The following BACH2 variants were observed in gnomAD, a reference collection of about 807,000 sequenced individuals.
BACH2 encodes BACH transcriptional regulator 2.
BACH2 carries 5 observed loss-of-function variants against 61.8 expected under a neutral mutation model. The ratio of observed to expected loss-of-function variants is 0.08; its 90% CI spans 0.04 to 0.17. The LOEUF (loss-of-function observed/expected upper bound fraction) is 0.17. Among genes scored for constraint, BACH2 ranks in the 10% least tolerant of loss-of-function variants. The probability of loss-of-function intolerance (pLI) is 1.00; values close to 1 mark genes in which losing one functional copy is unlikely to be tolerated. For missense variants in BACH2, 824 were observed against 1,091.1 expected, an observed-to-expected ratio of 0.76 and a Z score of 3.45; for synonymous variants, 446 against 440.1, an observed-to-expected ratio of 1.01 and a Z score of -0.17.
At chr6:89,934,447 C>G (rs1162332852) in intron 8 of BACH2, among the ~76,000 whole-genome samples, 1 of 152,108 alleles carries the variant, frequency 6.6e-6, no homozygotes, top group Non-Finnish European at 1.5e-5. Flanking sequence ...CACTTGAGGT[C>G]AGGAGTTCGA....
intron 4 of BACH2, among the ~76,000 whole-genome samples, chr6:90,139,101 C>T (rs1228256297): frequency 6.6e-6 from 1 of 151,604 alleles, no homozygotes; most frequent in Non-Finnish European, 1.5e-5. Flanking sequence ...GGTGACTTCA[C>T]TAAAAAAAAA....
In BACH2 at chr6:90,295,955, C is replaced by A. The variant is rs563354907; in HGVS notation, c.-446+525G>T. On this transcript the variant is annotated intron_variant, in intron 1 of 8. Coordinates refer to ENST00000257749, the MANE Select transcript of BACH2 (RefSeq NM_021813.4). ...GCGCAAAGGCGCCGCGGCCAAGGTC[C>A]TCGCGGAGCAGCCCGGGATGCGCAC... is the stretch of plus-strand genomic sequence containing the variant. Among the ~76,000 whole-genome samples, 8 of 152,228 alleles carry A rather than the reference C, an allele frequency of 5.3e-5. No homozygotes were observed. In the South Asian group the frequency reaches 1.7e-3, roughly 32 times the overall value.
At chr6:89,942,663 G>C (rs1773503179) in intron 7 of BACH2, among the ~76,000 whole-genome samples, 1 of 152,152 alleles carries the variant, frequency 6.6e-6, no homozygotes, top group Non-Finnish European at 1.5e-5. Context: ...CTGCATATAA[G>C]GGGAAGGGCA....
At chr6:90,035,703 A>G (rs1037558345) in intron 5 of BACH2, among the ~76,000 whole-genome samples, 3 of 152,100 alleles carry the variant, frequency 2.0e-5, no homozygotes, top group African/African-American at 7.2e-5. Context: ...CAAGATGATA[A>G]AGGAAGACAG....
At chr6:90,210,166 C>A (rs1769292869) in intron 3 of BACH2, among the ~76,000 whole-genome samples, 1 of 151,990 alleles carries the variant, frequency 6.6e-6, no homozygotes, top group Admixed American at 6.6e-5. Flanking sequence ...GGAAACCAGA[C>A]ACAGAGAGGT....
chr6:89,932,721 A>G lies in BACH2; in HGVS notation c.2213T>C (p.Leu738Ser). 10 of 1,614,168 alleles carry G rather than the reference A, an allele frequency of 6.2e-6. No homozygotes were observed. The highest frequency in any genetic ancestry group is 8.5e-6 in the Non-Finnish European group (10 of 1,180,032). ...AGGGTTAATACTGGAGGCCGTGGGC[A>G]AGTCCATGGGTCTGAGGACAGGGCA... is the stretch of plus-strand genomic sequence containing the variant. ...RYCPVLRPMD[L>S]PTASSINPAP... Residue 738 changes from leucine (L) to serine (S), a missense_variant, in exon 9 of 9, where the codon TTG (leucine) becomes TCG (serine). By Grantham distance (145) the Leu-to-Ser change is moderately radical. Around this residue, in one of 8 missense-constraint regions of BACH2, gnomAD observed 135 missense variants for 142.7 expected, o/e 0.95. Coordinates refer to ENST00000257749, the MANE Select transcript of BACH2 (RefSeq NM_021813.4).
At chr6:90,062,817 G>A in intron 5 of BACH2, 1 of 585,710 alleles carries the variant, frequency 1.7e-6, no homozygotes, top group Non-Finnish European at 2.1e-6. Flanking sequence ...CTCAAACAAA[G>A]TCTGAATAAT....
chr6:90,271,619 T>C (rs1389206723), intron 2 of BACH2, among the ~76,000 whole-genome samples: 1 of 152,090 alleles, frequency 6.6e-6, no homozygotes, highest in Non-Finnish European at 1.5e-5. Flanking sequence ...GACATCCAAA[T>C]AGCCAACAAA....
intron 6 of BACH2, among the ~76,000 whole-genome samples, chr6:89,992,168 TTTC>T (rs1776612147): frequency 6.6e-6 from 1 of 152,366 alleles, no homozygotes; most frequent in Middle Eastern, 3.4e-3. Flanking sequence ...ATCCTTTCTG[TTTC>T]TTTTTACAAA....
intron 2 of BACH2, among the ~76,000 whole-genome samples, chr6:90,266,983 C>T (rs1263967114): frequency 6.6e-6 from 1 of 152,026 alleles, no homozygotes; most frequent in Non-Finnish European, 1.5e-5. Context: ...ATACACTATG[C>T]CAAGCTATAA....
intron 6 of BACH2, among the ~76,000 whole-genome samples, chr6:89,992,090 T>C (rs1776606788): frequency 6.6e-6 from 1 of 152,208 alleles, no homozygotes; most frequent in South Asian, 2.1e-4. Flanking sequence ...GTCTCACTCC[T>C]ATCCCAAACC....
intron 6 of BACH2, among the ~76,000 whole-genome samples, chr6:90,007,883 C>T (rs980283119): frequency 3.7e-4 from 57 of 152,096 alleles, no homozygotes; most frequent in African/African-American, 1.1e-3. Context: ...ATAGGAATGA[C>T]GGAAGTCAGG....
intron 3 of BACH2, among the ~76,000 whole-genome samples, chr6:90,247,769 A>G (rs1303878995): frequency 3.3e-5 from 5 of 152,146 alleles, no homozygotes; most frequent in African/African-American, 1.2e-4. Flanking sequence ...CCTTTACCCA[A>G]GTGGTTCCCA....
At chr6:90,030,444 G>C (rs1778907664) in intron 5 of BACH2, among the ~76,000 whole-genome samples, 1 of 152,010 alleles carries the variant, frequency 6.6e-6, no homozygotes. Context: ...CAACAACATT[G>C]ATAGACCGCT....
chr6:90,155,046 C>T (rs1582427393), intron 4 of BACH2, among the ~76,000 whole-genome samples: 1 of 152,186 alleles, frequency 6.6e-6, no homozygotes, highest in African/African-American at 2.4e-5. Flanking sequence ...AAATCCAATG[C>T]TATTTGAGGC....
At chr6:89,955,602 C>T (rs567279628) in intron 6 of BACH2, among the ~76,000 whole-genome samples, 35 of 152,222 alleles carry the variant, frequency 2.3e-4, no homozygotes, top group Admixed American at 5.9e-4. Flanking sequence ...GGTAATCGCT[C>T]CAGATACACA....
chr6:90,095,097 G>A (rs1782326806), intron 4 of BACH2, among the ~76,000 whole-genome samples: 1 of 152,122 alleles, frequency 6.6e-6, no homozygotes, highest in African/African-American at 2.4e-5. Flanking sequence ...CTTGAGAGTG[G>A]CCCTGAAATC....
At chr6:90,115,595 T>C (rs1783363925) in intron 4 of BACH2, among the ~76,000 whole-genome samples, 2 of 152,054 alleles carry the variant, frequency 1.3e-5, no homozygotes, top group African/African-American at 4.8e-5. Context: ...AATACCATCC[T>C]GGACATAGGA....
intron 4 of BACH2, among the ~76,000 whole-genome samples, chr6:90,191,128 T>A (rs1768555560): frequency 2.6e-5 from 4 of 152,226 alleles, no homozygotes; most frequent in African/African-American, 7.2e-5. Context: ...AAGGCTACCT[T>A]TTCTTGTGTT....
Sources: gnomAD v4.1 joint callset for allele counts (sites outside exome capture counted in the v4.1 genomes callset) on GRCh38, gnomAD v4.1.1 for gene constraint, gnomAD v4.1.1 regional missense constraint, MANE v1.5 for transcripts, NCBI Gene and HGNC (gene_info 2026-07-23, HGNC 2026-07-21) for gene names.